Variants in ZNF567 observed in about 807,000 individuals in gnomAD.
ZNF567 encodes the protein zinc finger protein 567.
In ZNF567, 36 loss-of-function variants were observed where a neutral mutation model predicts 53.9. That is an observed-to-expected ratio of 0.67 (90% CI 0.51 to 0.88). The LOEUF (loss-of-function observed/expected upper bound fraction) is 0.88. ZNF567 is among the 40% of genes least tolerant of loss of function. ZNF567 has a pLI of 0.00. For synonymous variants in ZNF567, 224 were observed against 260.4 expected (o/e 0.86, Z 1.35); for missense variants, 619 against 764.7 (o/e 0.81, Z 2.25).
chr19:36,686,126 A>C (rs2038264765), upstream of ZNF567: 1 of 152,218 alleles, frequency 6.6e-6, no homozygotes. Context: ...GCACCTCACA[A>C]GGCCCTGCCT....
chr19:36,720,114 C>A lies in ZNF567; in HGVS notation c.1390C>A (p.Leu464Ile), dbSNP rs1425466845. The A allele has an allele frequency of 2.5e-6, 4 of 1,614,038 alleles. No homozygotes were observed. The highest frequency in any genetic ancestry group is 3.4e-6 in the Non-Finnish European group (4 of 1,179,972). Residue 464 changes from leucine (L) to isoleucine (I), a missense_variant, in exon 6 of 6, where the codon CTT (leucine) becomes ATT (isoleucine). Leu to Ile is a conservative substitution (Grantham distance 5, BLOSUM62 2). Coordinates refer to ENST00000682579, the MANE Select transcript of ZNF567 (RefSeq NM_001322917.1). ...CGKSFRQKTTLVAHQRTHTGE... is the reference protein window; with the variant it reads ...CGKSFRQKTTIVAHQRTHTGE... ...AAAGTCCTTCCGCCAGAAGACAACCCTTGTAGCACATCAGAGAACACATAC... is the reference window on the plus strand; with the variant it reads ...AAAGTCCTTCCGCCAGAAGACAACCATTGTAGCACATCAGAGAACACATAC...
intron 3 of ZNF567, among the ~76,000 whole-genome samples, chr19:36,705,117 A>G (rs145475795): frequency 6.6e-6 from 1 of 152,164 alleles, no homozygotes; most frequent in Non-Finnish European, 1.5e-5. Context: ...CAGGTATATC[A>G]ATGTAGTTGA....
upstream of ZNF567, among the ~76,000 whole-genome samples, chr19:36,683,814 AGAGT>A (rs1261066945): frequency 6.6e-6 from 1 of 152,156 alleles, no homozygotes; most frequent in Non-Finnish European, 1.5e-5. Context: ...CCTGGCAACA[AGAGT>A]GAGACTCTGT....
At position 36,719,940 on chromosome 19, in the gene ZNF567, G is replaced by A. The variant is rs754735551; in HGVS notation, c.1216G>A (p.Ala406Thr). 6 of 1,610,246 alleles carry A rather than the reference G, an allele frequency of 3.7e-6. No individual in the cohort carries two copies. Among genetic ancestry groups the A allele is most frequent in the Non-Finnish European group, 5.1e-6 (6 of 1,177,766 alleles). Residue 406 changes from alanine to threonine, a missense_variant, in exon 6 of 6, where the codon GCA (alanine) becomes ACA (threonine). By Grantham distance (58) the Ala-to-Thr change is moderately conservative. Transcript: ENST00000682579. ...KECGKSFHQK[A>T]NLTVHQRTHT... Reference sequence around the variant, plus strand: ...ATGTGGGAAGTCCTTTCACCAGAAGGCAAATCTTACTGTACATCAGAGAAC... The same window carrying A: ...ATGTGGGAAGTCCTTTCACCAGAAGACAAATCTTACTGTACATCAGAGAAC...
chr19:36,675,254 C>G, the ZNF567 span, among the ~76,000 whole-genome samples: 3 of 152,010 alleles, frequency 2.0e-5, no homozygotes, highest in African/African-American at 7.2e-5. Context: ...TAAAGGTATA[C>G]CTTGGCTGGG....
the ZNF567 span, among the ~76,000 whole-genome samples, chr19:36,679,195 A>G: frequency 2.6e-5 from 4 of 152,146 alleles, no homozygotes; most frequent in Non-Finnish European, 5.9e-5. Context: ...CTGAGGCAGG[A>G]GAATCGCTTG....
chr19:36,667,773 C>T, the ZNF567 span, among the ~76,000 whole-genome samples: 3 of 151,448 alleles, frequency 2.0e-5, no homozygotes, highest in Non-Finnish European at 4.4e-5. Flanking sequence ...CCTCAGCCTC[C>T]CGAGTAGCTG....
downstream of ZNF567, among the ~76,000 whole-genome samples, chr19:36,725,498 C>T (rs1400412479): frequency 4.6e-5 from 7 of 152,134 alleles, no homozygotes; most frequent in African/African-American, 1.7e-4. Flanking sequence ...CCACTGCACC[C>T]GGCCTTGTCT....
chr19:36,719,415 C>A lies in ZNF567; in HGVS notation c.691C>A (p.Pro231Thr). 6.2e-7 allele frequency: 1 copy of A among 1,613,076 alleles called. No individual in the cohort carries two copies. The highest frequency in any genetic ancestry group is 1.1e-5 in the South Asian group (1 of 90,994). ...GGGAGGCCTGATTACACATAGTAGA[C>A]CTTACAAAGGAGAAAACCCATCTGT... ...QRGGLITHSR[P>T]YKGENPSVYN... The change falls in exon 6 of 6, where the codon CCT becomes ACT. Residue 231 changes from proline to threonine, a missense_variant. Coordinates refer to ENST00000682579, the MANE Select transcript of ZNF567 (RefSeq NM_001322917.1).
intron 2 of ZNF567, among the ~76,000 whole-genome samples, chr19:36,690,887 GTC>G (rs2145553706): frequency 6.6e-6 from 1 of 152,324 alleles, no homozygotes; most frequent in South Asian, 2.1e-4. Context: ...AGCCATGAGT[GTC>G]TCCTGTGTTA....
chr19:36,710,235 T>C (rs1167184809), intron 3 of ZNF567, among the ~76,000 whole-genome samples: 1 of 151,994 alleles, frequency 6.6e-6, no homozygotes, highest in Non-Finnish European at 1.5e-5. Flanking sequence ...TAATTTTTTA[T>C]TTCAGTTATT....
chr19:36,715,963 GAT>G lies in ZNF567; in HGVS notation c.224-2984_224-2983del, dbSNP rs1446171126. Among the ~76,000 whole-genome samples, 3 of 152,138 alleles carry G rather than the reference GAT, an allele frequency of 2.0e-5. No individual in the cohort carries two copies. In the South Asian group the frequency reaches 6.2e-4, roughly 32 times the overall value. ...ATATATTGACATCCTCCCATATTCT[GAT>G]TTCTCACTGATGTCATACAAAATGA... On this transcript the variant is annotated intron_variant, in intron 5 of 5. Coordinates refer to ENST00000682579, the MANE Select transcript of ZNF567 (RefSeq NM_001322917.1).
At chr19:36,681,786 C>T in the ZNF567 span, among the ~76,000 whole-genome samples, 17 of 151,616 alleles carry the variant, frequency 1.1e-4, no homozygotes, top group South Asian at 6.2e-4. Context: ...TTTGTTCCCC[C>T]CCAGTTCATA....
At position 36,720,381 on chromosome 19, in the gene ZNF567, A is replaced by G; in HGVS notation, c.1657A>G (p.Lys553Glu). 1 of 1,614,204 alleles carries G rather than the reference A, an allele frequency of 6.2e-7. No homozygotes were observed. Among genetic ancestry groups the G allele is most frequent in the Non-Finnish European group, 8.5e-7 (1 of 1,180,030 alleles). The part of the protein sequence containing the change: ...RQKATLTVHQ[K>E]IHTGQKSYEC... The stretch of plus-strand genomic sequence containing the variant: ...GAAAGCAACCCTCACTGTACATCAG[A>G]AAATACATACCGGCCAGAAATCCTA... Residue 553 changes from lysine (K) to glutamate (E), a missense_variant, in exon 6 of 6, where the codon AAA (lysine) becomes GAA (glutamate). Lys to Glu is a moderately conservative substitution (Grantham distance 56). Transcript: ENST00000682579.
chr19:36,709,583 G>A (rs2039671183), intron 3 of ZNF567, among the ~76,000 whole-genome samples: 1 of 151,594 alleles, frequency 6.6e-6, no homozygotes, highest in South Asian at 2.1e-4. Flanking sequence ...TCCTGCCTCA[G>A]CCCCACAAAG....
the ZNF567 span, among the ~76,000 whole-genome samples, chr19:36,681,196 A>G: frequency 6.6e-6 from 1 of 152,010 alleles, no homozygotes; most frequent in Non-Finnish European, 1.5e-5. Flanking sequence ...CAGTGGTGCA[A>G]TCATAGCTCA....
chr19:36,697,085 A>G (rs1179907867), intron 3 of ZNF567, among the ~76,000 whole-genome samples: 2 of 152,356 alleles, frequency 1.3e-5, no homozygotes, highest in East Asian at 1.9e-4. Context: ...CAGTTTAAAT[A>G]CGAGAATAAT....
intron 3 of ZNF567, among the ~76,000 whole-genome samples, chr19:36,701,359 G>A (rs2039174389): frequency 1.3e-5 from 2 of 151,174 alleles, no homozygotes; most frequent in South Asian, 4.2e-4. Context: ...GGTCAATTTT[G>A]GAATAGGTGT....
Position 36,720,213 on chromosome 19 carries a change from C to T in ZNF567, c.1489C>T (p.Arg497Ter), listed in dbSNP as rs200217516. ...RMKSYLIDHH[R>*]THTGEKPYEC... ...GAAGTCATACCTCATTGATCATCAC[C>T]GAACTCACACAGGAGAGAAACCATA... The change falls in exon 6 of 6, where the codon CGA (arginine) becomes TGA (stop). Residue 497 changes from arginine (R) to a stop codon, truncating the protein, a stop_gained. Coordinates refer to ENST00000682579, the MANE Select transcript of ZNF567 (RefSeq NM_001322917.1). LOFTEE classifies it high-confidence loss of function. 3.1e-6 allele frequency: 5 copies of T among 1,604,880 alleles called. No individual in the cohort carries two copies. The highest frequency in any genetic ancestry group is 1.4e-5 in the African/African-American group (1 of 73,392).
Sources: gnomAD v4.1 joint callset for allele counts (sites outside exome capture counted in the v4.1 genomes callset) on GRCh38, gnomAD v4.1.1 for gene constraint, MANE v1.5 for transcripts, NCBI Gene and HGNC (gene_info 2026-07-23, HGNC 2026-07-21) for gene names.